Variants in ACP7 observed in about 807,000 individuals in gnomAD.
The protein encoded by ACP7 is acid phosphatase 7, tartrate resistant (putative).
Under a neutral mutation model 60.6 loss-of-function variants are expected in ACP7, and 58 were observed. That is an observed-to-expected ratio of 0.96 (90% CI 0.77 to 1.19). ACP7 has a LOEUF of 1.19. Ranked by LOEUF, ACP7 falls within the 50% of genes most tolerant of loss-of-function variation. The probability of loss-of-function intolerance (pLI) is 0.00; values close to 1 mark genes in which losing one functional copy is unlikely to be tolerated. For synonymous variants in ACP7, 237 were observed against 232.6 expected, an observed-to-expected ratio of 1.02 and a Z score of -0.17; for missense variants, 574 against 596.2, an observed-to-expected ratio of 0.96 and a Z score of 0.39.
intron 11 of ACP7, among the ~76,000 whole-genome samples, chr19:39,102,160 A>C: frequency 6.6e-6 from 1 of 151,080 alleles, no homozygotes; most frequent in African/African-American, 2.4e-5. Context: ...ACACACACAA[A>C]AGATACTGGG....
intron 5 of ACP7, 29 bp downstream of exon 5, chr19:39,100,379 G>T: frequency 6.2e-7 from 1 of 1,612,342 alleles, no homozygotes; most frequent in Non-Finnish European, 8.5e-7. Context: ...GGCGGTGGGC[G>T]AGGGCTGGAT....
chr19:39,100,104 T>C, intron 4 of ACP7, 123 bp from the exon 5 acceptor site: 1 of 1,358,910 alleles, frequency 7.4e-7, no homozygotes, highest in South Asian at 1.4e-5. Flanking sequence ...CAAGTGATAC[T>C]CTTGCCTTGG....
At chr19:39,101,954 A>T (rs1419613408) in intron 11 of ACP7, among the ~76,000 whole-genome samples, 4 of 151,616 alleles carry the variant, frequency 2.6e-5, no homozygotes. Context: ...AAAAAAAAAA[A>T]AAAATTAAAA....
At chr19:39,099,247 C>T (rs979320021) in intron 4 of ACP7, 105 bp downstream of exon 4, 9 of 1,245,558 alleles carry the variant, frequency 7.2e-6, no homozygotes, top group Non-Finnish European at 7.3e-6. Context: ...GTGCTAGGAC[C>T]GTGGAGGGGA....
At chr19:39,095,500 G>T (rs886552737) in intron 2 of ACP7, among the ~76,000 whole-genome samples, 1 of 152,232 alleles carries the variant, frequency 6.6e-6, no homozygotes, top group Non-Finnish European at 1.5e-5. Flanking sequence ...GGGCAGCTCT[G>T]CCCCTGTGGC....
chr19:39,095,634 C>T (rs530224773), intron 2 of ACP7, among the ~76,000 whole-genome samples: 24 of 152,340 alleles, frequency 1.6e-4, no homozygotes, highest in African/African-American at 5.5e-4. Context: ...AGGACAGTGG[C>T]CCTCTTTTCA....
At chr19:39,100,907 A>G in intron 7 of ACP7, 42 bp from the exon 8 acceptor site, 1 of 1,312,616 alleles carries the variant, frequency 7.6e-7, no homozygotes, top group Non-Finnish European at 1.0e-6. Flanking sequence ...CTCCCCCTCC[A>G]CCCCTGACTC....
intron 2 of ACP7, among the ~76,000 whole-genome samples, chr19:39,091,432 A>T (rs2073203231): frequency 6.6e-6 from 1 of 151,862 alleles, no homozygotes; most frequent in African/African-American, 2.4e-5. Context: ...AAGTGCTGGG[A>T]TTACAGGCAT....
At chr19:39,088,070 G>A (rs1380663911) in intron 2 of ACP7, among the ~76,000 whole-genome samples, 1 of 152,034 alleles carries the variant, frequency 6.6e-6, no homozygotes, top group East Asian at 1.9e-4. Flanking sequence ...CACCCACGCT[G>A]GAATGCAATG....
intron 2 of ACP7, among the ~76,000 whole-genome samples, chr19:39,089,327 C>T (rs531207342): frequency 6.6e-6 from 1 of 152,290 alleles, no homozygotes; most frequent in East Asian, 1.9e-4. Flanking sequence ...CTCGGCCTCC[C>T]AAACTGCTGG....
chr19:39,088,153 C>T (rs2073165559), intron 2 of ACP7, among the ~76,000 whole-genome samples: 1 of 152,080 alleles, frequency 6.6e-6, no homozygotes, highest in African/African-American at 2.4e-5. Flanking sequence ...TCCTGAGTAG[C>T]TGGGACTACA....
At chr19:39,104,060 C>T (rs1477699035) in intron 11 of ACP7, among the ~76,000 whole-genome samples, 1 of 151,352 alleles carries the variant, frequency 6.6e-6, no homozygotes. Flanking sequence ...GGCAACATGA[C>T]AAAACCCTGT....
chr19:39,105,310 C>T (rs370770105), intron 11 of ACP7, among the ~76,000 whole-genome samples: 4 of 151,976 alleles, frequency 2.6e-5, no homozygotes, highest in African/African-American at 7.3e-5. Context: ...CCACTGTGCC[C>T]GGCGTCTCTT....
intron 11 of ACP7, among the ~76,000 whole-genome samples, chr19:39,104,923 G>A (rs1168243639): frequency 1.3e-5 from 2 of 152,064 alleles, no homozygotes; most frequent in African/African-American, 4.8e-5. Context: ...AATTATTTCA[G>A]ACCAACAGAA....
intron 11 of ACP7, among the ~76,000 whole-genome samples, chr19:39,105,833 T>G (rs974315216): frequency 1.3e-5 from 2 of 152,188 alleles, no homozygotes; most frequent in Non-Finnish European, 2.9e-5. Flanking sequence ...TTTTAACCTC[T>G]TTGAGCCTCT....
At chr19:39,106,308 T>C (rs1031108049) in intron 11 of ACP7, among the ~76,000 whole-genome samples, 1 of 152,192 alleles carries the variant, frequency 6.6e-6, no homozygotes, top group Non-Finnish European at 1.5e-5. Context: ...TCTTTCTGTA[T>C]CACCCCGCTT....
In ACP7 at chr19:39,107,092, A is replaced by C; in HGVS notation, c.1251+8A>C. 1 of 1,613,342 alleles carries C rather than the reference A, an allele frequency of 6.2e-7. No homozygotes were observed. Among genetic ancestry groups the C allele is most frequent in the Non-Finnish European group, 8.5e-7 (1 of 1,179,632 alleles). On this transcript the variant is annotated splice_region_variant and intron_variant, in intron 12 of 12. Coordinates refer to ENST00000331256, the MANE Select transcript of ACP7 (RefSeq NM_001004318.3). ...CAGGTGTCGGACGACCAGGTCAGTG[A>C]GGGGCAGGCCGAAGTCACCTGACTG...
In ACP7 at chr19:39,099,063, G is replaced by C; in HGVS notation, c.426G>C (p.Leu142=). 6.2e-7 allele frequency: 1 copy of C among 1,610,132 alleles called. No homozygotes were observed. Among genetic ancestry groups the C allele is most frequent in the East Asian group, 2.2e-5 (1 of 44,642 alleles). ...CCCGTCTGGCTGTGTTTGGAGACCT[G>C]GGGGCTGACAACCCGAAGGCCGTCC... ...WSPRLAVFGD[L]GADNPKAVPR... The change falls in exon 4 of 13, where the codon CTG becomes CTC. Residue 142 remains leucine (L), a synonymous_variant. Coordinates refer to ENST00000331256, the MANE Select transcript of ACP7 (RefSeq NM_001004318.3).
chr19:39,095,741 G>A (rs1459745622), intron 2 of ACP7, among the ~76,000 whole-genome samples: 5 of 152,232 alleles, frequency 3.3e-5, no homozygotes, highest in East Asian at 1.9e-4. Context: ...CTCCATGAGA[G>A]CCCCACCCCT....
Sources: gnomAD v4.1 joint callset for allele counts (sites outside exome capture counted in the v4.1 genomes callset) on GRCh38, gnomAD v4.1.1 for gene constraint, MANE v1.5 for transcripts, NCBI Gene and HGNC (gene_info 2026-07-23, HGNC 2026-07-21) for gene names.